Variants in CEMIP observed in about 807,000 individuals in gnomAD.
CEMIP encodes the protein cell migration inducing hyaluronidase 1, also known as cell migration-inducing and hyaluronan-binding protein.
CEMIP carries 105 observed loss-of-function variants against 156.9 expected under a neutral mutation model. The observed-to-expected ratio is 0.67, with a 90% CI of 0.57 to 0.79. The LOEUF (loss-of-function observed/expected upper bound fraction) is 0.79, where lower values mean the gene tolerates loss of function less well. Ranked by LOEUF, CEMIP falls within the 30% of genes least tolerant of loss-of-function variation. CEMIP has a pLI of 0.00. For synonymous variants in CEMIP, 676 were observed against 668.4 expected (o/e 1.01, Z -0.17); for missense variants, 1,457 against 1,769.4 (o/e 0.82, Z 3.17).
At chr15:80,837,666 C>T (rs1897297272) in intron 1 of CEMIP, among the ~76,000 whole-genome samples, 1 of 152,236 alleles carries the variant, frequency 6.6e-6, no homozygotes, top group South Asian at 2.1e-4. Context: ...CATCTGCCTT[C>T]CTTCAAGAGG....
intron 14 of CEMIP, among the ~76,000 whole-genome samples, chr15:80,915,179 T>A (rs1900224100): frequency 6.6e-6 from 1 of 152,230 alleles, no homozygotes; most frequent in Non-Finnish European, 1.5e-5. Context: ...TCTAGCTACA[T>A]GACTCCTAAA....
intron 12 of CEMIP, chr15:80,903,177 C>T (rs1202328095): frequency 6.6e-6 from 1 of 152,216 alleles, no homozygotes; most frequent in Non-Finnish European, 1.5e-5. Context: ...AGTCAGTGTC[C>T]TTCCTGGACA....
intron 23 of CEMIP, among the ~76,000 whole-genome samples, chr15:80,934,968 CAAG>C (rs2141957181): frequency 6.6e-6 from 1 of 152,280 alleles, no homozygotes; most frequent in South Asian, 2.1e-4. Flanking sequence ...AAAATGTTGA[CAAG>C]AAGCTTGTGG....
At chr15:80,825,592 T>C (rs1897017421) in intron 1 of CEMIP, among the ~76,000 whole-genome samples, 1 of 152,220 alleles carries the variant, frequency 6.6e-6, no homozygotes, top group Non-Finnish European at 1.5e-5. Context: ...ACAGCATGCA[T>C]GGCCATGGTT....
rs764378830 is a variant in CEMIP at position 80,895,026 on chromosome 15, G to A, written c.1123G>A (p.Val375Ile). The A allele has an allele frequency of 6.2e-7, 1 of 1,614,154 alleles. No homozygotes were observed. Among genetic ancestry groups the A allele is most frequent in the South Asian group, 1.1e-5 (1 of 91,078 alleles). ...TMDGVNLSTE[V>I]VYKKGQDYRF... is the part of the protein sequence containing the mutation. The stretch of plus-strand genomic sequence containing the variant: ...GGATGGAGTTAACCTCAGCACCGAG[G>A]TTGTCTACAAAAAAGGCCAGGATTA... Residue 375 changes from valine (V) to isoleucine (I), a missense_variant, in exon 11 of 30, where the codon GTT (valine) becomes ATT (isoleucine). Val to Ile is a conservative substitution (Grantham distance 29). Coordinates refer to ENST00000394685, the MANE Select transcript of CEMIP (RefSeq NM_001293298.2).
intron 1 of CEMIP, among the ~76,000 whole-genome samples, chr15:80,807,283 T>C (rs564589957): frequency 6.7e-6 from 1 of 149,390 alleles, no homozygotes; most frequent in East Asian, 2.0e-4. Flanking sequence ...AAGGCTAGAG[T>C]GCAGTGGCAC....
At chr15:80,891,008 C>A (rs1899016421) in intron 10 of CEMIP, among the ~76,000 whole-genome samples, 2 of 152,242 alleles carry the variant, frequency 1.3e-5, no homozygotes, top group South Asian at 4.1e-4. Context: ...ACAGCACATT[C>A]TTTCCAGATT....
chr15:80,873,835 A>T, intron 2 of CEMIP, 29 bp from the exon 3 acceptor site: 1 of 1,506,276 alleles, frequency 6.6e-7, no homozygotes, highest in Non-Finnish European at 9.0e-7. Context: ...CCAAGGCTGC[A>T]TGTCTGACTC....
chr15:80,837,224 G>A (rs1042308937), intron 1 of CEMIP, among the ~76,000 whole-genome samples: 3 of 152,186 alleles, frequency 2.0e-5, no homozygotes, highest in Admixed American at 2.0e-4. Flanking sequence ...TAAGCACTCC[G>A]AGACGCACAG....
intron 18 of CEMIP, 64 bp from the exon 19 acceptor site, chr15:80,925,560 A>T: frequency 1.3e-6 from 2 of 1,598,988 alleles, no homozygotes; most frequent in South Asian, 2.2e-5. Flanking sequence ...AGAGCCCAGA[A>T]GGGAGTCAGC....
chr15:80,879,498 A>G (rs1468542535), intron 4 of CEMIP, among the ~76,000 whole-genome samples: 4 of 152,198 alleles, frequency 2.6e-5, no homozygotes, highest in Non-Finnish European at 5.9e-5. Flanking sequence ...TGGAGCATCC[A>G]TGGAGTTTGG....
chr15:80,838,090 TGTCCAGACCCTGACCTGCGATGTGGAA>T (rs1897305025), intron 1 of CEMIP, among the ~76,000 whole-genome samples: 1 of 152,234 alleles, frequency 6.6e-6, no homozygotes, highest in South Asian at 2.1e-4. Flanking sequence ...ACTCTCTGCT[TGTCCAGACCCTGACCTGCGATGTGGAA>T]GTGTGATAGA....
chr15:80,937,043 A>G (rs1190140013), intron 24 of CEMIP, among the ~76,000 whole-genome samples, 158 bp downstream of exon 24: 5 of 152,242 alleles, frequency 3.3e-5, no homozygotes, highest in African/African-American at 9.6e-5. Context: ...TAAGAATTAA[A>G]GGACACAGGC....
At chr15:80,883,920 A>C (rs973304013) in intron 6 of CEMIP, among the ~76,000 whole-genome samples, 1 of 152,238 alleles carries the variant, frequency 6.6e-6, no homozygotes, top group Non-Finnish European at 1.5e-5. Flanking sequence ...TCACTGCTGC[A>C]ATCATTTCTT....
At chr15:80,784,901 G>A (rs1895889987) in intron 1 of CEMIP, among the ~76,000 whole-genome samples, 1 of 152,090 alleles carries the variant, frequency 6.6e-6, no homozygotes, top group Non-Finnish European at 1.5e-5. Context: ...AATTCTTCTT[G>A]GTGTAATTTA....
intron 1 of CEMIP, among the ~76,000 whole-genome samples, chr15:80,799,529 T>A (rs1216328211): frequency 6.6e-6 from 1 of 152,214 alleles, no homozygotes; most frequent in African/African-American, 2.4e-5. Flanking sequence ...AAATAGTGTA[T>A]GGAATAGAAC....
intron 1 of CEMIP, among the ~76,000 whole-genome samples, chr15:80,835,927 C>G (rs1897260926): frequency 1.3e-5 from 2 of 151,324 alleles, no homozygotes; most frequent in South Asian, 4.2e-4. Context: ...ATGGAAATAT[C>G]TACATGTTTA....
At chr15:80,880,134 TG>T (rs1313649798) in intron 5 of CEMIP, among the ~76,000 whole-genome samples, 1 of 152,202 alleles carries the variant, frequency 6.6e-6, no homozygotes, top group Non-Finnish European at 1.5e-5. Flanking sequence ...AGGGAGGCTC[TG>T]CAAGTGTTTA....
intron 25 of CEMIP, 150 bp from the exon 26 acceptor site, chr15:80,941,698 CA>C: frequency 1.4e-6 from 1 of 708,062 alleles, no homozygotes; most frequent in Non-Finnish European, 2.5e-6. Context: ...TCTCCAACTA[CA>C]TGCAACTCGG....
Sources: gnomAD v4.1 joint callset for allele counts (sites outside exome capture counted in the v4.1 genomes callset) on GRCh38, gnomAD v4.1.1 for gene constraint, MANE v1.5 for transcripts, NCBI Gene and HGNC (gene_info 2026-07-23, HGNC 2026-07-21) for gene names.